ARHGAP21: variants seen among roughly 807,000 people sequenced by gnomAD.
The protein encoded by ARHGAP21 is rho GTPase-activating protein 21.
Under a neutral mutation model 164.6 loss-of-function variants are expected in ARHGAP21, and 38 were observed. That is an observed-to-expected ratio of 0.23 (90% CI 0.18 to 0.30). The LOEUF is 0.30. ARHGAP21 is among the 10% of genes least tolerant of loss of function. The probability of loss-of-function intolerance (pLI) is 1.00; values close to 1 mark genes in which losing one functional copy is unlikely to be tolerated. For missense variants in ARHGAP21, 1,822 were observed against 2,370.7 expected (o/e 0.77, Z 4.81); for synonymous variants, 766 against 857.9 (o/e 0.89, Z 1.87).
chr10:24,597,655 T>C (rs2076642520), intron 15 of ARHGAP21, 72 bp from the exon 16 acceptor site: 4 of 1,573,068 alleles, frequency 2.5e-6, no homozygotes, highest in Admixed American at 3.7e-5. Context: ...TTACCCGTGG[T>C]GAGCCATGGT....
intron 9 of ARHGAP21, among the ~76,000 whole-genome samples, chr10:24,612,726 A>G (rs765995851): frequency 2.0e-4 from 31 of 152,058 alleles, no homozygotes; most frequent in Middle Eastern, 3.2e-3. Flanking sequence ...GTGGTGGCGG[A>G]CGCCTATAGT....
chr10:24,659,378 G>A (rs1234460384), intron 4 of ARHGAP21, among the ~76,000 whole-genome samples: 6 of 152,074 alleles, frequency 3.9e-5, no homozygotes, highest in Admixed American at 1.3e-4. Context: ...GTGTGATGGC[G>A]GATCTCGGCT....
intron 4 of ARHGAP21, among the ~76,000 whole-genome samples, chr10:24,665,346 T>C (rs569791803): frequency 6.6e-6 from 1 of 151,820 alleles, no homozygotes; most frequent in Non-Finnish European, 1.5e-5. Flanking sequence ...TTTTAACTCA[T>C]AACCTTTTCA....
At chr10:24,614,512 G>A (rs942112714) in intron 9 of ARHGAP21, among the ~76,000 whole-genome samples, 10 of 152,140 alleles carry the variant, frequency 6.6e-5, no homozygotes, top group African/African-American at 2.4e-4. Context: ...CTAGGTTTTG[G>A]GAGGGCACAG....
At chr10:24,714,189 G>A (rs1845134315) in intron 2 of ARHGAP21, 2 of 152,212 alleles carry the variant, frequency 1.3e-5, no homozygotes, top group Non-Finnish European at 2.9e-5. Context: ...CAGCATCTGT[G>A]CATCTTATCA....
intron 2 of ARHGAP21, among the ~76,000 whole-genome samples, chr10:24,691,961 T>C (rs1842793775): frequency 6.6e-6 from 1 of 152,222 alleles, no homozygotes; most frequent in Non-Finnish European, 1.5e-5. Context: ...AAATCCAATA[T>C]ACCATAAATT....
At chr10:24,659,944 C>A (rs536992289) in intron 4 of ARHGAP21, among the ~76,000 whole-genome samples, 118 of 152,256 alleles carry the variant, frequency 7.8e-4, no homozygotes, top group African/African-American at 2.8e-3. Flanking sequence ...ATAATAACAC[C>A]CACCTTAGAA....
At chr10:24,614,612 G>A (rs578024299) in intron 9 of ARHGAP21, among the ~76,000 whole-genome samples, 4 of 151,648 alleles carry the variant, frequency 2.6e-5, no homozygotes, top group African/African-American at 4.8e-5. Flanking sequence ...GTGAAACCCC[G>A]TTTCTACTAA....
chr10:24,706,336 G>C (rs1268530430), intron 2 of ARHGAP21, among the ~76,000 whole-genome samples: 3 of 151,894 alleles, frequency 2.0e-5, no homozygotes, highest in Non-Finnish European at 4.4e-5. Context: ...AAGTAATTCA[G>C]ATCATTAGAT....
rs773570422 is a variant in ARHGAP21, at chr10:24,595,703, G to A, written c.3712+14C>T. 7.0e-5 allele frequency: 112 copies of A among 1,602,604 alleles called. No individual in the cohort carries two copies. The highest frequency in any genetic ancestry group is 9.2e-5 in the Non-Finnish European group (108 of 1,171,950). On this transcript the variant is annotated intron_variant, in intron 19 of 25. Coordinates refer to ENST00000396432, the MANE Select transcript of ARHGAP21 (RefSeq NM_020824.4). ...AACCATTTCATCTGGTATCTTTCAC[G>A]GGAGTTAACTCACCATTTGTGAAGA...
chr10:24,621,031 T>A lies in ARHGAP21; in HGVS notation c.864A>T (p.Arg288Ser). The A allele has an allele frequency of 6.2e-7, 1 of 1,613,990 alleles. No homozygotes were observed. The highest frequency in any genetic ancestry group is 8.5e-7 in the Non-Finnish European group (1 of 1,179,854). Reference sequence around the variant, plus strand: ...TATGTGAAGGACCTGTATGGTTGTTTCTATTGGATAACAAATCTACAACCT... The same window carrying A: ...TATGTGAAGGACCTGTATGGTTGTTACTATTGGATAACAAATCTACAACCT... ...SEKVVDLLSN[R>S]NNHTGPSHRT... Residue 288 changes from arginine (R) to serine (S), a missense_variant, in exon 9 of 26, where the codon AGA becomes AGT. This residue lies in a region of ARHGAP21 where 1,090 missense variants were observed against 1,378.9 expected (regional missense o/e 0.79). Transcript: ENST00000396432.
intron 9 of ARHGAP21, among the ~76,000 whole-genome samples, chr10:24,617,211 C>A (rs985716894): frequency 6.6e-5 from 10 of 152,100 alleles, no homozygotes; most frequent in Admixed American, 2.0e-4. Context: ...TAGCCAAAAT[C>A]TTCTCTTTAA....
intron 9 of ARHGAP21, among the ~76,000 whole-genome samples, chr10:24,613,240 T>C (rs1055992950): frequency 1.3e-5 from 2 of 152,206 alleles, no homozygotes; most frequent in Admixed American, 1.3e-4. Flanking sequence ...AAAATGATGC[T>C]AATATATTCA....
chr10:24,699,187 A>G, intron 2 of ARHGAP21, among the ~76,000 whole-genome samples: 1 of 151,870 alleles, frequency 6.6e-6, no homozygotes, highest in Non-Finnish European at 1.5e-5. Context: ...TTTTCAGTCT[A>G]CTTCTCTCCA....
intron 2 of ARHGAP21, among the ~76,000 whole-genome samples, chr10:24,711,231 A>G (rs534775192): frequency 3.4e-4 from 51 of 152,214 alleles, no homozygotes; most frequent in Admixed American, 9.8e-4. Flanking sequence ...AAATCGCTGC[A>G]TATCTAACAA....
intron 4 of ARHGAP21, among the ~76,000 whole-genome samples, chr10:24,656,378 C>CG (rs1838928584): frequency 1.0e-5 from 1 of 98,676 alleles, no homozygotes; most frequent in Non-Finnish European, 2.1e-5. Flanking sequence ...CCGCCCCGTC[C>CG]GGGAGGGAGG....
intron 9 of ARHGAP21, among the ~76,000 whole-genome samples, chr10:24,608,829 T>C (rs1265080612): frequency 6.6e-6 from 1 of 152,062 alleles, no homozygotes; most frequent in Non-Finnish European, 1.5e-5. Context: ...AAAATTTCTC[T>C]ATGCACCACT....
chr10:24,689,147 T>A (rs922955655), intron 2 of ARHGAP21, among the ~76,000 whole-genome samples: 1 of 152,164 alleles, frequency 6.6e-6, no homozygotes, highest in African/African-American at 2.4e-5. Flanking sequence ...GGTGGCCTCA[T>A]AGCTAATTAG....
At chr10:24,680,423 T>C (rs1414387907) in intron 2 of ARHGAP21, among the ~76,000 whole-genome samples, 2 of 152,208 alleles carry the variant, frequency 1.3e-5, no homozygotes, top group Admixed American at 6.5e-5. Context: ...GAAAATCATA[T>C]AGGTAACTCT....
Sources: gnomAD v4.1 joint callset for allele counts (sites outside exome capture counted in the v4.1 genomes callset) on GRCh38, gnomAD v4.1.1 for gene constraint, gnomAD v4.1.1 regional missense constraint, MANE v1.5 for transcripts, NCBI Gene and HGNC (gene_info 2026-07-23, HGNC 2026-07-21) for gene names.